The following RBFOX1 variants were observed in gnomAD, a reference collection of about 807,000 sequenced individuals.
The protein encoded by RBFOX1 is RNA binding protein fox-1 homolog 1.
Under a neutral mutation model 57.7 loss-of-function variants are expected in RBFOX1, and 8 were observed. That is an observed-to-expected ratio of 0.14 (90% CI 0.08 to 0.25). The LOEUF (loss-of-function observed/expected upper bound fraction) is 0.25, where lower values mean the gene tolerates loss of function less well. Among genes scored for constraint, RBFOX1 ranks in the 10% least tolerant of loss-of-function variants. The pLI, the probability that RBFOX1 is intolerant of heterozygous loss-of-function variation, is 1.00. For synonymous variants in RBFOX1, 326 were observed against 222.4 expected (o/e 1.47, Z -4.15); for missense variants, 611 against 548.5 (o/e 1.11, Z -1.14).
rs528760184 is a variant in RBFOX1 at position 5,298,952 on chromosome 16, A to G, written c.219+58847A>G. Among the ~76,000 whole-genome samples the G allele has an allele frequency of 2.4e-5, 3 of 126,202 alleles. No homozygotes were observed. In the South Asian group the frequency reaches 9.1e-4, roughly 38 times the overall value. The allele number at this position is 126,202 out of a possible 152,430, so 82.8% of individuals were successfully genotyped here. A position where few individuals can be genotyped will look rare whatever the true frequency, so the allele number is the denominator to read the frequency against. On this transcript the variant is annotated intron_variant, in intron 1 of 2. Transcript: ENST00000585867. ...TCTATGTGATTTAAAGAATATATAC[A>G]TTAAAATGCACAGATCTTAAGCATT... is the stretch of plus-strand genomic sequence containing the variant.
chr16:6,895,016 C>G (rs888359217), intron 3 of RBFOX1, among the ~76,000 whole-genome samples: 5 of 152,178 alleles, frequency 3.3e-5, no homozygotes, highest in African/African-American at 9.6e-5. Context: ...CAACGTCAGT[C>G]TAGTTCATCC....
rs775667685 is a variant in RBFOX1, at chr16:7,333,064, T to G, written c.28-185083T>G. 49 of 1,613,786 alleles carry G rather than the reference T, an allele frequency of 3.0e-5. No individual in the cohort carries two copies. Among genetic ancestry groups the G allele is most frequent in the Non-Finnish European group, 3.6e-5 (43 of 1,179,880 alleles). On this transcript the variant is annotated intron_variant, in intron 4 of 15. Transcript: ENST00000550418. ...GCGTGCCTATGATTGTACCGGCAGC[T>G]CCTTACCTTCCTGGACTGATTCAGG...
At position 5,773,732 on chromosome 16, in the gene RBFOX1, C is replaced by G. The variant is rs139747854; in HGVS notation, c.319-93571C>G. On this transcript the variant is annotated intron_variant, in intron 3 of 19. Transcript: ENST00000641259. Reference sequence around the variant, plus strand: ...TTTATTTTTGAGACAGAGTCTCGCTCTGTTGCCCAGGCTGGAGTGCAGTGG... The same window carrying G: ...TTTATTTTTGAGACAGAGTCTCGCTGTGTTGCCCAGGCTGGAGTGCAGTGG... Among the ~76,000 whole-genome samples the G allele has an allele frequency of 6.6e-3, 1,006 of 152,286 alleles. 13 individuals are homozygous for G. The highest frequency in any genetic ancestry group is 0.023 in the African/African-American group (945 of 41,560).
chr16:7,306,496 C>G (rs1318526497), intron 4 of RBFOX1, among the ~76,000 whole-genome samples: 1 of 152,058 alleles, frequency 6.6e-6, no homozygotes, highest in African/African-American at 2.4e-5. Flanking sequence ...TGGAATGCAT[C>G]TCCCCCTCCC....
intron 3 of RBFOX1, among the ~76,000 whole-genome samples, chr16:6,907,292 G>A (rs1405315518): frequency 6.6e-6 from 1 of 152,124 alleles, no homozygotes; most frequent in African/African-American, 2.4e-5. Context: ...CATCTTTACC[G>A]ATGTGCCTCC....
intron 3 of RBFOX1, among the ~76,000 whole-genome samples, chr16:6,887,543 A>G (rs2064360301): frequency 6.7e-6 from 1 of 149,684 alleles, no homozygotes; most frequent in Non-Finnish European, 1.5e-5. Context: ...CTGTTTATAG[A>G]CACAAAAACA....
intron 4 of RBFOX1, among the ~76,000 whole-genome samples, chr16:7,354,815 T>A (rs1319387722): frequency 6.6e-6 from 1 of 152,210 alleles, no homozygotes; most frequent in Non-Finnish European, 1.5e-5. Flanking sequence ...ATGTGGTTTG[T>A]GTTGGTTGTA....
chr16:5,579,023 T>G (rs1236927290), intron 2 of RBFOX1, among the ~76,000 whole-genome samples: 3 of 152,024 alleles, frequency 2.0e-5, no homozygotes, highest in African/African-American at 7.2e-5. Flanking sequence ...AATTTTTGTA[T>G]TTTTAGTAGA....
intron 1 of RBFOX1, among the ~76,000 whole-genome samples, chr16:6,088,845 C>T (rs1026109474): frequency 2.0e-5 from 3 of 151,978 alleles, no homozygotes; most frequent in Non-Finnish European, 4.4e-5. Context: ...GCCTGTAATC[C>T]CAGCACTTTG....
intron 4 of RBFOX1, among the ~76,000 whole-genome samples, chr16:7,081,762 T>C (rs992015679): frequency 2.0e-5 from 3 of 152,198 alleles, no homozygotes; most frequent in African/African-American, 7.2e-5. Flanking sequence ...ACCCTGGCCT[T>C]GGTAACATGG....
chr16:7,347,460 CA>C (rs1206551882), intron 4 of RBFOX1, among the ~76,000 whole-genome samples: 1 of 152,134 alleles, frequency 6.6e-6, no homozygotes, highest in African/African-American at 2.4e-5. Flanking sequence ...ACCCGCCCCC[CA>C]AATTCAGTCA....
intron 4 of RBFOX1, among the ~76,000 whole-genome samples, chr16:7,160,400 C>G (rs1434758572): frequency 1.3e-5 from 2 of 151,954 alleles, no homozygotes; most frequent in Non-Finnish European, 2.9e-5. Context: ...TACTTTTCAT[C>G]TTCTTCCTCC....
intron 3 of RBFOX1, among the ~76,000 whole-genome samples, chr16:6,808,741 G>C (rs2087614070): frequency 1.3e-5 from 2 of 152,084 alleles, no homozygotes; most frequent in Admixed American, 1.3e-4. Context: ...TTTCTCCACA[G>C]ACAAATACCT....
intron 3 of RBFOX1, among the ~76,000 whole-genome samples, chr16:5,631,606 C>T (rs1048201813): frequency 6.6e-6 from 1 of 151,850 alleles, no homozygotes; most frequent in Non-Finnish European, 1.5e-5. Flanking sequence ...ATTTTGACTT[C>T]AGTTTTAGGT....
intron 4 of RBFOX1, among the ~76,000 whole-genome samples, chr16:7,501,635 G>C (rs1241449583): frequency 2.6e-5 from 4 of 152,176 alleles, no homozygotes; most frequent in African/African-American, 9.7e-5. Context: ...CTGCCACTCA[G>C]ACTATCAGAT....
intron 1 of RBFOX1, among the ~76,000 whole-genome samples, chr16:6,060,459 C>T (rs186573521): frequency 6.6e-6 from 1 of 152,114 alleles, no homozygotes; most frequent in Non-Finnish European, 1.5e-5. Context: ...GGAGAAGCTT[C>T]CTACAATAAC....
chr16:6,538,295 G>C (rs939511801), intron 2 of RBFOX1, among the ~76,000 whole-genome samples: 9 of 152,082 alleles, frequency 5.9e-5, no homozygotes, highest in African/African-American at 2.2e-4. Flanking sequence ...TTTTATACCA[G>C]CCTGGGCAGC....
intron 2 of RBFOX1, among the ~76,000 whole-genome samples, chr16:6,604,710 G>A (rs988793561): frequency 1.2e-4 from 18 of 152,088 alleles, no homozygotes; most frequent in Admixed American, 6.6e-4. Context: ...GCACACACAC[G>A]TATAATTGTC....
intron 4 of RBFOX1, among the ~76,000 whole-genome samples, chr16:7,460,436 T>A (rs12933270): frequency 0.25 from 33,225 of 132,738 alleles, 5,462 homozygotes; most frequent in Middle Eastern, 0.41. Flanking sequence ...TATGTGTGTG[T>A]ATATATGTAT....
Sources: gnomAD v4.1 joint callset for allele counts (sites outside exome capture counted in the v4.1 genomes callset) on GRCh38, gnomAD v4.1.1 for gene constraint, MANE v1.5 for transcripts, NCBI Gene and HGNC (gene_info 2026-07-23, HGNC 2026-07-21) for gene names.